The following CENPP variants were observed in gnomAD, a reference collection of about 807,000 sequenced individuals.
CENPP encodes centromere protein P.
CENPP carries 24 observed loss-of-function variants against 35.6 expected under a neutral mutation model. That is an observed-to-expected ratio of 0.67 (90% CI 0.49 to 0.95). The LOEUF (loss-of-function observed/expected upper bound fraction) is 0.95. CENPP is among the 40% of genes least tolerant of loss of function. The pLI is 0.00. For synonymous variants in CENPP, 120 were observed against 125.5 expected, an observed-to-expected ratio of 0.96 and a Z score of 0.29; for missense variants, 332 against 345.3, an observed-to-expected ratio of 0.96 and a Z score of 0.31.
intron 5 of CENPP, among the ~76,000 whole-genome samples, chr9:92,606,239 G>A (rs890445325): frequency 2.6e-5 from 4 of 152,154 alleles, no homozygotes; most frequent in South Asian, 2.1e-4. Flanking sequence ...TCCAGCCTGT[G>A]AGAGAGAGTA....
At chr9:92,358,439 TCA>T (rs1841650958) in intron 4 of CENPP, among the ~76,000 whole-genome samples, 1 of 152,158 alleles carries the variant, frequency 6.6e-6, no homozygotes, top group South Asian at 2.1e-4. Flanking sequence ...AGATGGGGTT[TCA>T]CCATGTTGGT....
At chr9:92,409,537 G>T (rs1843391999) in intron 5 of CENPP, among the ~76,000 whole-genome samples, 1 of 152,134 alleles carries the variant, frequency 6.6e-6, no homozygotes. Context: ...AGTGTTTCAG[G>T]TAATTCTTAA....
intron 5 of CENPP, among the ~76,000 whole-genome samples, chr9:92,394,824 T>C (rs780837212): frequency 2.0e-5 from 3 of 151,174 alleles, no homozygotes; most frequent in Non-Finnish European, 3.0e-5. Context: ...CCAGGCTGCT[T>C]TCGAACTCCT....
intron 5 of CENPP, chr9:92,536,508 G>A (rs1420324770): frequency 6.5e-6 from 1 of 153,088 alleles, no homozygotes. Context: ...ACAAAAAAAT[G>A]GTTACGTATT....
At position 92,357,418 on chromosome 9, in the gene CENPP, TTA is replaced by T. The variant is rs200775356; in HGVS notation, c.467+11633_467+11634del. Among the ~76,000 whole-genome samples the T allele has an allele frequency of 4.4e-3, 663 of 151,148 alleles. 7 individuals carry two copies. The highest frequency in any genetic ancestry group is 4.9e-3 in the Admixed American group (74 of 15,198). ...TCCTGCACTTTTTTTATTTTTTGTT[TTA>T]TTTTTCTTTTCTCCAGCCACATCCC... On this transcript the variant is annotated intron_variant, in intron 4 of 7. Transcript: ENST00000375587.
chr9:92,456,939 C>A, intron 5 of CENPP: 1 of 1,027,868 alleles, frequency 9.7e-7, no homozygotes, highest in Non-Finnish European at 1.2e-6. Context: ...TCAAGCATTC[C>A]ATTTACAGTA....
At chr9:92,437,501 C>T (rs1170822013) in intron 5 of CENPP, among the ~76,000 whole-genome samples, 1 of 151,152 alleles carries the variant, frequency 6.6e-6, no homozygotes, top group Non-Finnish European at 1.5e-5. Context: ...CTTCTGCCTC[C>T]TGGGCTCAAG....
intron 5 of CENPP, among the ~76,000 whole-genome samples, chr9:92,426,866 T>C (rs1029102521): frequency 1.3e-5 from 2 of 152,188 alleles, no homozygotes; most frequent in Non-Finnish European, 2.9e-5. Flanking sequence ...AGTACACACA[T>C]AGACCTCCTT....
intron 5 of CENPP, among the ~76,000 whole-genome samples, chr9:92,498,760 A>T (rs532624913): frequency 1.3e-5 from 2 of 152,344 alleles, no homozygotes; most frequent in Non-Finnish European, 2.9e-5. Context: ...AGTAATAATG[A>T]TGTCATTTTG....
chr9:92,368,577 TTCA>T lies in CENPP; in HGVS notation c.468-11183_468-11181del, dbSNP rs574919172. Reference sequence around the variant, plus strand: ...CTCTCTGGGAAGCAGTCCCAATGAGTTCATCGTCTGTTACAGAACCTTTTGAGT... The same window carrying T: ...CTCTCTGGGAAGCAGTCCCAATGAGTTCGTCTGTTACAGAACCTTTTGAGT... On this transcript the variant is annotated intron_variant, in intron 4 of 7. Transcript: ENST00000375587. Among the ~76,000 whole-genome samples, 124 of 152,290 alleles carry T rather than the reference TTCA, an allele frequency of 8.1e-4. 1 individual carries two copies. The highest frequency in any genetic ancestry group is 3.9e-3 in the East Asian group (20 of 5,182).
intron 4 of CENPP, among the ~76,000 whole-genome samples, chr9:92,347,048 T>C (rs1358386900): frequency 1.3e-5 from 2 of 152,096 alleles, no homozygotes; most frequent in Non-Finnish European, 2.9e-5. Context: ...TTATCTTCTA[T>C]TGGGTAGGAA....
At chr9:92,459,585 C>T in intron 5 of CENPP, 1 of 1,588,234 alleles carries the variant, frequency 6.3e-7, no homozygotes, top group South Asian at 1.1e-5. Context: ...GTTATAAAAA[C>T]TGAAGAAAAA....
chr9:92,588,182 C>T (rs1305313269), intron 5 of CENPP, among the ~76,000 whole-genome samples: 2 of 151,944 alleles, frequency 1.3e-5, no homozygotes, highest in East Asian at 1.9e-4. Flanking sequence ...ATGTGAATTT[C>T]ACAAAAGTAT....
At chr9:92,592,170 T>C (rs1036561154) in intron 5 of CENPP, among the ~76,000 whole-genome samples, 1 of 152,032 alleles carries the variant, frequency 6.6e-6, no homozygotes. Context: ...ACATTTATCA[T>C]GGATATATTT....
chr9:92,575,711 T>C (rs10992375), intron 5 of CENPP, among the ~76,000 whole-genome samples: 68,662 of 151,468 alleles, frequency 0.45, 19,160 homozygotes, highest in African/African-American at 0.79. Context: ...ACTTGTGGGG[T>C]TGAGACAGGA....
chr9:92,437,176 T>G (rs1295346544), intron 5 of CENPP, among the ~76,000 whole-genome samples: 1 of 152,198 alleles, frequency 6.6e-6, no homozygotes, highest in Admixed American at 6.5e-5. Flanking sequence ...CAATCCAGCC[T>G]GGGCAACAAG....
intron 5 of CENPP, among the ~76,000 whole-genome samples, chr9:92,450,507 A>T (rs1413377502): frequency 2.6e-5 from 4 of 151,926 alleles, no homozygotes; most frequent in Admixed American, 1.3e-4. Context: ...GTTGGACATT[A>T]GGGTTGGTTC....
rs138759568 is a variant in CENPP at position 92,456,002 on chromosome 9, C to T, written c.564+76143C>T. 8.6e-4 allele frequency among the ~76,000 whole-genome samples: 131 copies of T among 152,224 alleles called. 1 individual carries two copies. Among genetic ancestry groups the T allele is most frequent in the African/African-American group, 2.8e-3 (118 of 41,548 alleles). On this transcript the variant is annotated intron_variant, in intron 5 of 7. Coordinates refer to ENST00000375587, the MANE Select transcript of CENPP (RefSeq NM_001012267.3). ...AGGAGAATCGCTTGAACCCAGGAGG[C>T]GGAGGTTGCAGTGAGCCAAGATCAG...
At chr9:92,577,946 C>T (rs1239231250) in intron 5 of CENPP, among the ~76,000 whole-genome samples, 1 of 108,876 alleles carries the variant, frequency 9.2e-6, no homozygotes, top group Non-Finnish European at 1.8e-5. Flanking sequence ...CTATCCCTCC[C>T]CCCTCCCCCC....
Sources: gnomAD v4.1 joint callset for allele counts (sites outside exome capture counted in the v4.1 genomes callset) on GRCh38, gnomAD v4.1.1 for gene constraint, MANE v1.5 for transcripts, NCBI Gene and HGNC (gene_info 2026-07-23, HGNC 2026-07-21) for gene names.